The following NKAIN3 variants were observed in gnomAD, a reference collection of about 807,000 sequenced individuals.
The protein encoded by NKAIN3 is sodium/potassium-transporting ATPase subunit beta-1-interacting protein 3.
A neutral mutation model predicts 30.2 loss-of-function variants in NKAIN3; 25 were observed. That is an observed-to-expected ratio of 0.83 (90% CI 0.60 to 1.16). The LOEUF (loss-of-function observed/expected upper bound fraction) is 1.16. NKAIN3 is among the 50% of genes most tolerant of loss of function. The pLI, the probability that NKAIN3 is intolerant of heterozygous loss-of-function variation, is 0.00. For missense variants in NKAIN3, 225 were observed against 254.1 expected (o/e 0.89, Z 0.78); for synonymous variants, 91 against 89.6 (o/e 1.02, Z -0.09).
chr8:62,879,659 T>A (rs1287452571), intron 4 of NKAIN3, among the ~76,000 whole-genome samples: 1 of 152,208 alleles, frequency 6.6e-6, no homozygotes, highest in East Asian at 1.9e-4. Context: ...GGCTTGCCCC[T>A]GTGAATAGCC....
Position 62,983,503 on chromosome 8 carries a change from G to A in NKAIN3, c.*18096G>A, listed in dbSNP as rs182979517. ...GTCTTGTGCAAAAAGCTTGGGGAGT[G>A]ATAAAAACAAATCAAATTCACATTT... On this transcript the variant is annotated 3_prime_UTR_variant, in exon 7 of 7. Transcript: ENST00000623646. The A allele has an allele frequency of 7.4e-4, 113 of 152,318 alleles. 1 individual carries two copies. Among genetic ancestry groups the A allele is most frequent in the African/African-American group, 2.6e-3 (110 of 41,574 alleles). 9.4% of individuals were successfully genotyped at this position (152,318 alleles called of 1,614,324 possible).
In NKAIN3 at chr8:62,829,880, G is replaced by A. The variant is rs183714926; in HGVS notation, c.471+82751G>A. ...AATGGCTAAACTAGACTCCCATAAG[G>A]TATTCTTTTCACTTTCATCCCAAAA... On this transcript the variant is annotated intron_variant, in intron 4 of 6. Transcript: ENST00000623646. Among the ~76,000 whole-genome samples, 270 of 152,050 alleles carry A rather than the reference G, an allele frequency of 1.8e-3. 1 individual carries two copies. The Middle Eastern group carries it at 0.02, about 11-fold the overall frequency.
At chr8:62,839,405 A>G (rs1819465650) in intron 4 of NKAIN3, among the ~76,000 whole-genome samples, 1 of 151,928 alleles carries the variant, frequency 6.6e-6, no homozygotes, top group African/African-American at 2.4e-5. Flanking sequence ...AAGTCTCTTA[A>G]AAATTGGTAG....
At chr8:62,877,773 G>T (rs1322913215) in intron 4 of NKAIN3, among the ~76,000 whole-genome samples, 1 of 152,120 alleles carries the variant, frequency 6.6e-6, no homozygotes, top group Non-Finnish European at 1.5e-5. Flanking sequence ...AGGCGCAGTG[G>T]CTCACACCTG....
chr8:62,365,669 G>A (rs1816713925), intron 1 of NKAIN3, among the ~76,000 whole-genome samples: 1 of 152,114 alleles, frequency 6.6e-6, no homozygotes. Context: ...TAGCATTTGT[G>A]CAGATCTTCA....
At chr8:62,687,251 A>C (rs1314360097) in intron 3 of NKAIN3, among the ~76,000 whole-genome samples, 1 of 152,240 alleles carries the variant, frequency 6.6e-6, no homozygotes, top group Non-Finnish European at 1.5e-5. Context: ...CAGAAGGAAA[A>C]CACAGGAATG....
intron 4 of NKAIN3, chr8:62,855,899 C>A: frequency 1.3e-6 from 1 of 764,616 alleles, no homozygotes. Context: ...GAGAGATGTT[C>A]CTGCGGGGTG....
chr8:62,456,529 A>T (rs554977738), intron 1 of NKAIN3, among the ~76,000 whole-genome samples: 37 of 152,182 alleles, frequency 2.4e-4, no homozygotes, highest in African/African-American at 6.3e-4. Context: ...AAAAAAAAAA[A>T]AAAATAAAAA....
chr8:62,680,126 T>C (rs903501810), intron 3 of NKAIN3, among the ~76,000 whole-genome samples: 5 of 152,184 alleles, frequency 3.3e-5, no homozygotes, highest in African/African-American at 9.6e-5. Flanking sequence ...AACCAGGGAA[T>C]GCAAAAGCCT....
At chr8:62,292,431 A>G (rs1248011257) in intron 1 of NKAIN3, among the ~76,000 whole-genome samples, 2 of 152,078 alleles carry the variant, frequency 1.3e-5, no homozygotes, top group Non-Finnish European at 1.5e-5. Context: ...GGCAGGCCTG[A>G]TGGTGACAAA....
intron 3 of NKAIN3, among the ~76,000 whole-genome samples, chr8:62,714,610 G>C (rs1317235474): frequency 6.6e-6 from 1 of 152,112 alleles, no homozygotes; most frequent in Non-Finnish European, 1.5e-5. Flanking sequence ...AAAAGAATAA[G>C]ATAGTCATGT....
intron 5 of NKAIN3, among the ~76,000 whole-genome samples, chr8:62,938,219 G>C (rs1822848025): frequency 6.6e-6 from 1 of 152,076 alleles, no homozygotes; most frequent in Admixed American, 6.5e-5. Flanking sequence ...CGTAGGGGAA[G>C]TTTGTATCCT....
chr8:62,505,857 A>T (rs142164752), intron 1 of NKAIN3, among the ~76,000 whole-genome samples: 1 of 152,100 alleles, frequency 6.6e-6, no homozygotes, highest in Non-Finnish European at 1.5e-5. Context: ...TAGAAGTCCC[A>T]TATAGTTCTC....
intron 1 of NKAIN3, among the ~76,000 whole-genome samples, chr8:62,531,237 C>T (rs951794925): frequency 6.6e-6 from 1 of 152,124 alleles, no homozygotes; most frequent in Non-Finnish European, 1.5e-5. Context: ...CCTCTCATGT[C>T]GTTTTAGTAC....
At chr8:62,813,153 T>C (rs1446247393) in intron 4 of NKAIN3, among the ~76,000 whole-genome samples, 1 of 151,986 alleles carries the variant, frequency 6.6e-6, no homozygotes, top group Admixed American at 6.6e-5. Flanking sequence ...ATCAGTTGGA[T>C]GTAAATACAA....
intron 3 of NKAIN3, among the ~76,000 whole-genome samples, chr8:62,597,093 A>G (rs568573376): frequency 1.3e-5 from 2 of 152,210 alleles, no homozygotes; most frequent in South Asian, 4.1e-4. Flanking sequence ...AACAATGAGA[A>G]CAACCCTTTG....
chr8:62,464,800 C>A (rs1806106607), intron 1 of NKAIN3, among the ~76,000 whole-genome samples: 1 of 152,010 alleles, frequency 6.6e-6, no homozygotes, highest in Admixed American at 6.6e-5. Context: ...ATTTCACAGG[C>A]CTAAATGTAT....
intron 3 of NKAIN3, among the ~76,000 whole-genome samples, chr8:62,675,364 G>T (rs891882739): frequency 6.6e-6 from 1 of 152,214 alleles, no homozygotes; most frequent in Non-Finnish European, 1.5e-5. Flanking sequence ...AAAAATAATT[G>T]AATAATTTAT....
At chr8:62,563,016 C>A (rs1398768704) in intron 1 of NKAIN3, among the ~76,000 whole-genome samples, 1 of 152,052 alleles carries the variant, frequency 6.6e-6, no homozygotes, top group Non-Finnish European at 1.5e-5. Flanking sequence ...TTCCTGCCAG[C>A]TTGTTTGTGG....
Sources: gnomAD v4.1 joint callset for allele counts (sites outside exome capture counted in the v4.1 genomes callset) on GRCh38, gnomAD v4.1.1 for gene constraint, MANE v1.5 for transcripts, NCBI Gene and HGNC (gene_info 2026-07-23, HGNC 2026-07-21) for gene names.